CDH12: variants seen among roughly 807,000 people sequenced by gnomAD.
CDH12 encodes the protein cadherin 12, also known as cadherin-12.
In CDH12, 41 loss-of-function variants were observed where a neutral mutation model predicts 74.1. The ratio of observed to expected loss-of-function variants is 0.55; its 90% CI spans 0.43 to 0.72. The LOEUF is 0.72. CDH12 is among the 30% of genes least tolerant of loss of function. The pLI is 0.00. For synonymous variants in CDH12, 399 were observed against 355.0 expected, an observed-to-expected ratio of 1.12 and a Z score of -1.39; for missense variants, 945 against 977.2, an observed-to-expected ratio of 0.97 and a Z score of 0.44.
chr5:22,091,127 A>G (rs894316665), intron 4 of CDH12, among the ~76,000 whole-genome samples: 28 of 151,420 alleles, frequency 1.8e-4, no homozygotes, highest in Non-Finnish European at 3.7e-4. Flanking sequence ...AGAAAGGTAG[A>G]AAAAAATTTG....
intron 1 of CDH12, among the ~76,000 whole-genome samples, chr5:22,654,657 GAC>G (rs1739936295): frequency 1.4e-5 from 2 of 146,766 alleles, no homozygotes; most frequent in Admixed American, 1.4e-4. Flanking sequence ...GTTGTTTTGA[GAC>G]AGTTTCGCTC....
chr5:22,070,523 T>G (rs10035816), intron 5 of CDH12, among the ~76,000 whole-genome samples: 42,867 of 152,002 alleles, frequency 0.28, 6,439 homozygotes, highest in African/African-American at 0.39. Context: ...CAGCTGAAGA[T>G]CTTAACAAAA....
chr5:22,025,922 G>C (rs1043942001), intron 5 of CDH12, among the ~76,000 whole-genome samples: 3 of 151,868 alleles, frequency 2.0e-5, no homozygotes, highest in Non-Finnish European at 4.4e-5. Flanking sequence ...CTATCTTCAG[G>C]CTCCACTTCT....
At chr5:22,082,488 A>G (rs1742808097) in intron 4 of CDH12, among the ~76,000 whole-genome samples, 1 of 152,012 alleles carries the variant, frequency 6.6e-6, no homozygotes. Context: ...GACTATACAC[A>G]TCCCAGGTGG....
intron 12 of CDH12, among the ~76,000 whole-genome samples, chr5:21,764,305 C>T (rs1469801844): frequency 4.0e-5 from 6 of 151,682 alleles, no homozygotes; most frequent in African/African-American, 1.2e-4. Context: ...ATCCGGGAAG[C>T]GGAGGTTGCA....
At chr5:22,119,453 C>T (rs927428027) in intron 4 of CDH12, among the ~76,000 whole-genome samples, 2 of 151,868 alleles carry the variant, frequency 1.3e-5, no homozygotes, top group African/African-American at 4.8e-5. Context: ...CCATGCCAGG[C>T]TAATTTTTGT....
chr5:22,087,098 A>T (rs1332346970), intron 4 of CDH12, among the ~76,000 whole-genome samples: 2 of 152,204 alleles, frequency 1.3e-5, no homozygotes, highest in East Asian at 1.9e-4. Flanking sequence ...AGACAGGACA[A>T]CTAAATGCAA....
intron 3 of CDH12, among the ~76,000 whole-genome samples, chr5:22,385,795 G>T (rs1741970695): frequency 6.6e-6 from 1 of 151,588 alleles, no homozygotes; most frequent in Non-Finnish European, 1.5e-5. Context: ...GGAGGCCTCA[G>T]GAAACTTTCA....
intron 1 of CDH12, among the ~76,000 whole-genome samples, chr5:22,589,487 T>C (rs145565522): frequency 6.6e-6 from 1 of 152,230 alleles, no homozygotes; most frequent in African/African-American, 2.4e-5. Flanking sequence ...TTTCCTTTTT[T>C]GTTGAGAATT....
intron 4 of CDH12, among the ~76,000 whole-genome samples, chr5:22,146,293 T>A (rs1445114148): frequency 6.6e-6 from 1 of 151,984 alleles, no homozygotes; most frequent in African/African-American, 2.4e-5. Context: ...AAAGTCCCCA[T>A]AACATGGCCT....
intron 11 of CDH12, among the ~76,000 whole-genome samples, chr5:21,781,950 T>C (rs1050873177): frequency 6.6e-6 from 1 of 152,228 alleles, no homozygotes; most frequent in Non-Finnish European, 1.5e-5. Flanking sequence ...ATGTGAAATA[T>C]TGTAAAATTG....
intron 4 of CDH12, among the ~76,000 whole-genome samples, chr5:22,160,252 A>C (rs1310716590): frequency 6.6e-6 from 1 of 152,232 alleles, no homozygotes; most frequent in Non-Finnish European, 1.5e-5. Context: ...AGAAAAAAAC[A>C]AGATAAAGCA....
intron 4 of CDH12, among the ~76,000 whole-genome samples, chr5:22,176,458 A>G (rs1749343885): frequency 6.6e-6 from 1 of 151,736 alleles, no homozygotes; most frequent in Non-Finnish European, 1.5e-5. Flanking sequence ...ATTATCTTCT[A>G]TTTTGCTTTC....
At chr5:22,081,026 G>GC (rs1742690842) in intron 4 of CDH12, among the ~76,000 whole-genome samples, 1 of 152,040 alleles carries the variant, frequency 6.6e-6, no homozygotes, top group Non-Finnish European at 1.5e-5. Context: ...TGATCCACCT[G>GC]CCTCAGCCTC....
At chr5:22,004,943 A>T (rs1736850871) in intron 5 of CDH12, among the ~76,000 whole-genome samples, 1 of 152,136 alleles carries the variant, frequency 6.6e-6, no homozygotes, top group South Asian at 2.1e-4. Flanking sequence ...AATGGCCTCC[A>T]GCTCTATCTG....
chr5:22,238,636 C>T (rs1007145203), intron 3 of CDH12, among the ~76,000 whole-genome samples: 3 of 152,148 alleles, frequency 2.0e-5, no homozygotes, highest in African/African-American at 7.2e-5. Context: ...GTAATAAAAA[C>T]TGTTTTATCC....
At chr5:22,177,436 T>A (rs1348193964) in intron 4 of CDH12, among the ~76,000 whole-genome samples, 1 of 152,138 alleles carries the variant, frequency 6.6e-6, no homozygotes, top group African/African-American at 2.4e-5. Flanking sequence ...ATAATGAATC[T>A]CATGTTTAAA....
chr5:21,936,394 TTTTA>T (rs557668023), intron 6 of CDH12, among the ~76,000 whole-genome samples: 330 of 152,302 alleles, frequency 2.2e-3, no homozygotes, highest in Non-Finnish European at 3.6e-3. Flanking sequence ...TCATTCACTC[TTTTA>T]TTTTTTTAAG....
At chr5:22,535,285 G>T (rs896092071) in intron 1 of CDH12, among the ~76,000 whole-genome samples, 5 of 151,542 alleles carry the variant, frequency 3.3e-5, no homozygotes, top group African/African-American at 1.2e-4. Flanking sequence ...CTCCCGAGTA[G>T]CTGGGACTAC....
Sources: allele counts gnomAD v4.1 joint callset (sites outside exome capture counted in the v4.1 genomes callset), GRCh38; gene constraint gnomAD v4.1.1; transcripts MANE v1.5; gene names NCBI Gene and HGNC (gene_info 2026-07-23, HGNC 2026-07-21).